The following SAFB2 variants were observed in gnomAD, a reference collection of about 807,000 sequenced individuals.
SAFB2 encodes the protein scaffold attachment factor B2.
In SAFB2, 32 loss-of-function variants were observed where a neutral mutation model predicts 100.6. The observed-to-expected ratio is 0.32, with a 90% confidence interval of 0.24 to 0.43. SAFB2 has a LOEUF of 0.43. Among genes scored for constraint, SAFB2 ranks in the 20% least tolerant of loss-of-function variants. The pLI is 1.00. For synonymous variants in SAFB2, 500 were observed against 439.4 expected, an observed-to-expected ratio of 1.14 and a Z score of -1.72; for missense variants, 1,185 against 1,163.4, an observed-to-expected ratio of 1.02 and a Z score of -0.27.
rs964459750 is a variant in SAFB2 at position 5,592,617 on chromosome 19, A to C, written c.2348+130T>G. 33 of 1,017,340 alleles carry C rather than the reference A, an allele frequency of 3.2e-5. No individual in the cohort carries two copies. The East Asian group carries it at 7.8e-4, about 24-fold the overall frequency. 63.0% of individuals were successfully genotyped at this position (1,017,340 alleles called of 1,614,324 possible). On this transcript the variant is annotated intron_variant, in intron 16 of 20. Coordinates refer to ENST00000252542, the MANE Select transcript of SAFB2 (RefSeq NM_014649.3). ...GTTCTGTGCAAGGCCAGAGTCATCC[A>C]CTGTGGATCTCAGAAGTAAACGAGG...
intron 5 of SAFB2, 82 bp downstream of exon 5, chr19:5,613,383 C>T (rs1043863338): frequency 8.4e-7 from 1 of 1,183,652 alleles, no homozygotes. Context: ...CATTTCCATA[C>T]ACATACACAC....
intron 15 of SAFB2, 30 bp downstream of exon 15, chr19:5,593,861 C>A (rs1323616139): frequency 7.0e-7 from 1 of 1,433,212 alleles, no homozygotes; most frequent in Non-Finnish European, 9.1e-7. Flanking sequence ...CGCTGGTCTC[C>A]GTCCTGCCCA....
intron 11 of SAFB2, among the ~76,000 whole-genome samples, chr19:5,604,322 T>G (rs2052726732): frequency 6.6e-6 from 1 of 152,186 alleles, no homozygotes. Context: ...GGAGAATCAC[T>G]TGAACCCGGA....
chr19:5,604,988 G>A lies in SAFB2; in HGVS notation c.1297-52C>T, dbSNP rs749430938. On this transcript the variant is annotated intron_variant, in intron 9 of 20. Transcript: ENST00000252542. Reference sequence around the variant, plus strand: ...TCTCATACAAATGACCACACAACTTGCTAAAGTTATTACCTGGCAATCAGA... The same window carrying A: ...TCTCATACAAATGACCACACAACTTACTAAAGTTATTACCTGGCAATCAGA... 3 of 1,579,112 alleles carry A rather than the reference G, an allele frequency of 1.9e-6. No individual in the cohort carries two copies. In the Admixed American group the frequency reaches 5.1e-5, roughly 27 times the overall value.
chr19:5,614,819 A>C (rs2052987280), intron 4 of SAFB2, among the ~76,000 whole-genome samples: 1 of 152,252 alleles, frequency 6.6e-6, no homozygotes, highest in Non-Finnish European at 1.5e-5. Context: ...TCCTTTACAT[A>C]CAAGGATGCT....
chr19:5,591,439 T>G, intron 17 of SAFB2: 1 of 241,502 alleles, frequency 4.1e-6, no homozygotes, highest in South Asian at 6.9e-5. Flanking sequence ...CCACCATGCC[T>G]GGCTAATTTT....
intron 13 of SAFB2, among the ~76,000 whole-genome samples, chr19:5,595,709 A>G (rs979105540): frequency 1.3e-5 from 2 of 152,204 alleles, no homozygotes; most frequent in Non-Finnish European, 1.5e-5. Flanking sequence ...TCAGATGTCA[A>G]GGGGCATTCA....
In SAFB2 at chr19:5,587,915, C is replaced by A; in HGVS notation, c.2591G>T (p.Gly864Val). 1 of 1,612,776 alleles carries A rather than the reference C, an allele frequency of 6.2e-7. No homozygotes were observed. The highest frequency in any genetic ancestry group is 8.5e-7 in the Non-Finnish European group (1 of 1,179,850). Reference sequence around the variant, plus strand: ...GCTAGCCGCGCCTGCGTCCATGGCACCCTGCCAGGCGCGTGCCTGGTGCTC... The same window carrying A: ...GCTAGCCGCGCCTGCGTCCATGGCAACCTGCCAGGCGCGTGCCTGGTGCTC... ...LEEHQARAWQGAMDAGAASRE... is the reference protein window; with the variant it reads ...LEEHQARAWQVAMDAGAASRE... Residue 864 changes from glycine (G) to valine (V), a missense_variant, in exon 19 of 21, where the codon GGT becomes GTT. This residue lies in a region of SAFB2 where 740 missense variants were observed against 687.1 expected (regional missense o/e 1.08). Coordinates refer to ENST00000252542, the MANE Select transcript of SAFB2 (RefSeq NM_014649.3). The surrounding 1 kb of genome is among the most constrained non-coding windows in gnomAD (Gnocchi z 4.9).
chr19:5,597,781 T>C (rs1054263623), intron 13 of SAFB2, among the ~76,000 whole-genome samples: 2 of 152,218 alleles, frequency 1.3e-5, no homozygotes, highest in Non-Finnish European at 2.9e-5. Flanking sequence ...ATGATTTTCA[T>C]GTGAAAAATG....
chr19:5,593,989 C>T lies in SAFB2; in HGVS notation c.2109G>A (p.Glu703=), dbSNP rs185482436. The T allele has an allele frequency of 6.3e-5, 98 of 1,558,900 alleles. No homozygotes were observed. In the African/African-American group the frequency reaches 1.3e-3, roughly 20 times the overall value. ...GCTCCTCGCGCTCGCGGTGGATGCG[C>T]TCCTGCTCCTTCCTGCGCTCACGCT... The part of the protein sequence containing the change: ...RVERERRKEQ[E]RIHREREELR... Residue 703 remains glutamate (E), a synonymous_variant, in exon 15 of 21, where the codon GAG becomes GAA. Coordinates refer to ENST00000252542, the MANE Select transcript of SAFB2 (RefSeq NM_014649.3).
intron 9 of SAFB2, among the ~76,000 whole-genome samples, chr19:5,605,184 G>A (rs1369103147): frequency 1.3e-5 from 2 of 150,628 alleles, no homozygotes; most frequent in African/African-American, 4.9e-5. Flanking sequence ...GGCTCACCGC[G>A]ACCTCCGCCT....
At chr19:5,598,656 A>T (rs2052585328) in intron 13 of SAFB2, 137 bp downstream of exon 13, 2 of 699,202 alleles carry the variant, frequency 2.9e-6, no homozygotes, top group Non-Finnish European at 5.0e-6. Context: ...CTGTATCCGC[A>T]ATCTACACAA....
At chr19:5,610,729 G>GA (rs747122838) in intron 7 of SAFB2, 41 bp from the exon 8 acceptor site, 1 of 1,349,266 alleles carries the variant, frequency 7.4e-7, no homozygotes, top group South Asian at 1.3e-5. Flanking sequence ...GGAAAAAAAC[G>GA]AAAGAGAACA....
At chr19:5,596,646 A>C (rs532388428) in intron 13 of SAFB2, among the ~76,000 whole-genome samples, 22 of 152,274 alleles carry the variant, frequency 1.4e-4, no homozygotes, top group Middle Eastern at 3.4e-3. Flanking sequence ...CCCAGCCTAC[A>C]TTCATCATTT....
chr19:5,607,653 G>C (rs1271780171), intron 9 of SAFB2, among the ~76,000 whole-genome samples: 1 of 152,194 alleles, frequency 6.6e-6, no homozygotes, highest in South Asian at 2.1e-4. Flanking sequence ...CAAGACAGTA[G>C]ATCTAACGCC....
chr19:5,607,576 G>A (rs574119753), intron 9 of SAFB2, among the ~76,000 whole-genome samples: 5 of 152,190 alleles, frequency 3.3e-5, no homozygotes, highest in East Asian at 1.9e-4. Flanking sequence ...AAAAGGACTC[G>A]ACCCACAAGA....
chr19:5,605,194 T>G (rs994511698), intron 9 of SAFB2, among the ~76,000 whole-genome samples: 3 of 151,106 alleles, frequency 2.0e-5, no homozygotes, highest in Non-Finnish European at 4.4e-5. Flanking sequence ...GACCTCCGCC[T>G]CCTGGGTTCA....
At chr19:5,605,847 T>TG (rs1320226540) in intron 9 of SAFB2, among the ~76,000 whole-genome samples, 1 of 152,162 alleles carries the variant, frequency 6.6e-6, no homozygotes, top group Non-Finnish European at 1.5e-5. Flanking sequence ...CAATGGGGGA[T>TG]GGGTAAGACA....
At chr19:5,592,991 G>T in intron 15 of SAFB2, 104 bp from the exon 16 acceptor site, 1 of 1,072,798 alleles carries the variant, frequency 9.3e-7, no homozygotes, top group Non-Finnish European at 1.4e-6. Flanking sequence ...CCCAGACCCA[G>T]TATCGTTTAA....
Sources: allele counts gnomAD v4.1 joint callset (sites outside exome capture counted in the v4.1 genomes callset), GRCh38; gene constraint gnomAD v4.1.1; regional missense constraint gnomAD v4.1.1; non-coding constraint Gnocchi (gnomAD v3.1); transcripts MANE v1.5; gene names NCBI Gene and HGNC (gene_info 2026-07-23, HGNC 2026-07-21).